The following MOCOS variants were observed in gnomAD, a reference collection of about 807,000 sequenced individuals.
MOCOS encodes human molybdenum cofactor sulfurase.
A neutral mutation model predicts 83.6 loss-of-function variants in MOCOS; 86 were observed. The ratio of observed to expected loss-of-function variants is 1.03; its 90% confidence interval spans 0.86 to 1.23. The LOEUF (loss-of-function observed/expected upper bound fraction) is 1.23. Among genes scored for constraint, MOCOS ranks in the 50% most tolerant of loss-of-function variants. MOCOS has a pLI of 0.00. For missense variants in MOCOS, 1,120 were observed against 1,126.9 expected, an observed-to-expected ratio of 0.99 and a Z score of 0.09; for synonymous variants, 445 against 434.7, an observed-to-expected ratio of 1.02 and a Z score of -0.29.
chr18:36,188,756 G>T (rs903825152), intron 1 of MOCOS, among the ~76,000 whole-genome samples: 1 of 140,244 alleles, frequency 7.1e-6, no homozygotes, highest in Non-Finnish European at 1.6e-5. Context: ...TTTGGGGGCT[G>T]TGAGAACTGT....
chr18:36,196,702 G>A lies in MOCOS; in HGVS notation c.232+1356G>A, dbSNP rs16967523. ...TTTAACCTTTGCAAGAGCCATAACC[G>A]TGGGAAAGCCTGAGAGATGGCAGAG... On this transcript the variant is annotated intron_variant, in intron 2 of 14. Coordinates refer to ENST00000261326, the MANE Select transcript of MOCOS (RefSeq NM_017947.4). 6.0e-3 allele frequency among the ~76,000 whole-genome samples: 908 copies of A among 152,048 alleles called. 8 individuals carry two copies. The highest frequency in any genetic ancestry group is 0.021 in the African/African-American group (855 of 41,458).
intron 11 of MOCOS, among the ~76,000 whole-genome samples, chr18:36,252,401 T>C (rs1337838501): frequency 1.1e-4 from 17 of 151,934 alleles, no homozygotes; most frequent in Admixed American, 1.1e-3. Context: ...CTTCAAAAAA[T>C]ACAAAAATGA....
At chr18:36,266,399 G>C (rs1191077114) in intron 13 of MOCOS, among the ~76,000 whole-genome samples, 1 of 152,118 alleles carries the variant, frequency 6.6e-6, no homozygotes, top group Non-Finnish European at 1.5e-5. Flanking sequence ...GCCTCCCGAA[G>C]TGTTGGGATT....
chr18:36,229,870 T>A (rs1598582592), intron 9 of MOCOS, among the ~76,000 whole-genome samples: 1 of 152,142 alleles, frequency 6.6e-6, no homozygotes, highest in East Asian at 1.9e-4. Context: ...TAACATTTTC[T>A]ATTTCCTTGT....
At chr18:36,205,538 C>G (rs1392495095) in intron 6 of MOCOS, among the ~76,000 whole-genome samples, 1 of 152,136 alleles carries the variant, frequency 6.6e-6, no homozygotes, top group Non-Finnish European at 1.5e-5. Flanking sequence ...ATAAGCTGTT[C>G]ACTTCACTTC....
At chr18:36,261,469 G>T (rs2091663204) in intron 13 of MOCOS, among the ~76,000 whole-genome samples, 1 of 152,142 alleles carries the variant, frequency 6.6e-6, no homozygotes, top group Non-Finnish European at 1.5e-5. Flanking sequence ...GGTATAAACT[G>T]ACTATAACGA....
chr18:36,255,509 T>C (rs979539753), intron 11 of MOCOS, among the ~76,000 whole-genome samples: 9 of 152,142 alleles, frequency 5.9e-5, no homozygotes, highest in South Asian at 2.1e-4. Context: ...ACTCTGGAGA[T>C]TGTTGGTCCC....
intron 9 of MOCOS, among the ~76,000 whole-genome samples, chr18:36,244,760 C>T (rs1158092952): frequency 6.6e-6 from 1 of 152,042 alleles, no homozygotes; most frequent in Non-Finnish European, 1.5e-5. Flanking sequence ...TATCTCATTT[C>T]TTAGGTCTAG....
At chr18:36,205,384 C>T in intron 6 of MOCOS, 108 bp downstream of exon 6, 1 of 1,136,566 alleles carries the variant, frequency 8.8e-7, no homozygotes, top group Non-Finnish European at 1.3e-6. Flanking sequence ...CCACCAGGCC[C>T]TCAGCCACAT....
chr18:36,199,537 T>A, intron 3 of MOCOS, 146 bp from the exon 4 acceptor site: 1 of 1,262,376 alleles, frequency 7.9e-7, no homozygotes, highest in Non-Finnish European at 1.1e-6. Context: ...ACGGCTTCCA[T>A]TGCCCTCGCC....
rs1223865651 is a variant in MOCOS at position 36,215,913 on chromosome 18, C to T, written c.1733C>T (p.Ala578Val). The T allele has an allele frequency of 6.2e-7, 1 of 1,613,580 alleles. No homozygotes were observed. ...AAAGCTGCAGGAGTCCTGGAGGGGG[C>T]CCTTGGGCCACATGTTGTCACTAAC... The part of the protein sequence containing the change: ...SEKAAGVLEG[A>V]LGPHVVTNLY... Residue 578 changes from alanine to valine, a missense_variant, in exon 8 of 15, where the codon GCC becomes GTC. Coordinates refer to ENST00000261326, the MANE Select transcript of MOCOS (RefSeq NM_017947.4).
chr18:36,199,793 G>A lies in MOCOS; in HGVS notation c.410G>A (p.Gly137Asp). 2 of 1,614,134 alleles carry A rather than the reference G, an allele frequency of 1.2e-6. No homozygotes were observed. The highest frequency in any genetic ancestry group is 1.7e-6 in the Non-Finnish European group (2 of 1,180,014). ...VAEAFPWVSQ[G>D]PESSGSRFCY... ...GAGGCCTTTCCATGGGTGTCCCAGG[G>A]CCCAGAGAGCAGTGGGAGTCGCTTC... The change falls in exon 4 of 15, where the codon GGC (glycine) becomes GAC (aspartate). Residue 137 changes from glycine to aspartate, a missense_variant. Physicochemically the swap from Gly to Asp is moderately conservative, Grantham distance 94. Coordinates refer to ENST00000261326, the MANE Select transcript of MOCOS (RefSeq NM_017947.4).
intron 9 of MOCOS, among the ~76,000 whole-genome samples, chr18:36,240,010 A>T (rs533342335): frequency 0.059 from 7,629 of 129,872 alleles, 256 homozygotes; most frequent in Admixed American, 0.095. Context: ...ACTTCTCTGT[A>T]TTGGTTATTC....
chr18:36,251,095 A>G (rs1461582651), intron 10 of MOCOS, 64 bp from the exon 11 acceptor site: 2 of 1,555,204 alleles, frequency 1.3e-6, no homozygotes, highest in East Asian at 4.6e-5. Context: ...ACTTTTTGCA[A>G]TTCAGATTAT....
chr18:36,231,658 A>G (rs2091538069), intron 9 of MOCOS, among the ~76,000 whole-genome samples: 1 of 152,212 alleles, frequency 6.6e-6, no homozygotes, highest in Non-Finnish European at 1.5e-5. Context: ...CTATGCTGAT[A>G]TCTTTACAGA....
At chr18:36,243,539 T>A (rs149206958) in intron 9 of MOCOS, among the ~76,000 whole-genome samples, 1 of 152,276 alleles carries the variant, frequency 6.6e-6, no homozygotes, top group East Asian at 1.9e-4. Flanking sequence ...GATTTTTGCA[T>A]CTATATTCAT....
Position 36,204,950 on chromosome 18 carries a change from A to G in MOCOS, c.1019-127A>G, listed in dbSNP as rs899290540. 4.9e-5 allele frequency: 40 copies of G among 810,938 alleles called. No homozygotes were observed. In the African/African-American group the frequency reaches 7.0e-4, roughly 14 times the overall value. 50.2% of individuals were successfully genotyped at this position (810,938 alleles called of 1,614,324 possible). ...TGAGGCTGCAGTGAGCTGTGATCAT[A>G]CCACTGCACTCCAGCCTGGGTGACA... On this transcript the variant is annotated intron_variant, in intron 5 of 14. Coordinates refer to ENST00000261326, the MANE Select transcript of MOCOS (RefSeq NM_017947.4).
At chr18:36,247,242 T>TG (rs2144135749) in intron 9 of MOCOS, among the ~76,000 whole-genome samples, 1 of 152,320 alleles carries the variant, frequency 6.6e-6, no homozygotes, top group African/African-American at 2.4e-5. Flanking sequence ...TACAGGCATC[T>TG]GGTAAGCAGG....
At chr18:36,197,937 A>G (rs555224270) in intron 2 of MOCOS, among the ~76,000 whole-genome samples, 6 of 152,304 alleles carry the variant, frequency 3.9e-5, no homozygotes, top group African/African-American at 1.4e-4. Context: ...GGCAATTGCT[A>G]ATCTACTACT....
Sources: allele counts gnomAD v4.1 joint callset (sites outside exome capture counted in the v4.1 genomes callset), GRCh38; gene constraint gnomAD v4.1.1; transcripts MANE v1.5; gene names NCBI Gene and HGNC (gene_info 2026-07-23, HGNC 2026-07-21).